Variants in TRABD observed in about 807,000 individuals in gnomAD.
TRABD encodes TraB domain containing, also known as traB domain-containing protein.
Under a neutral mutation model 39.6 loss-of-function variants are expected in TRABD, and 23 were observed. The ratio of observed to expected loss-of-function variants is 0.58; its 90% confidence interval spans 0.42 to 0.82. The LOEUF (loss-of-function observed/expected upper bound fraction) is 0.82, where lower values mean the gene tolerates loss of function less well. Among genes scored for constraint, TRABD ranks in the 40% least tolerant of loss-of-function variants. The pLI is 0.00. For missense variants in TRABD, 487 were observed against 544.9 expected, an observed-to-expected ratio of 0.89 and a Z score of 1.06; for synonymous variants, 243 against 232.1, an observed-to-expected ratio of 1.05 and a Z score of -0.43.
chr22:50,198,236 G>A lies in TRABD; in HGVS notation c.956+50G>A, dbSNP rs747738087. On this transcript the variant is annotated intron_variant, in intron 9 of 9. Transcript: ENST00000380909. The surrounding 1 kb of genome is among the most constrained non-coding windows in gnomAD (Gnocchi z 7.9). ...GCCCCACCCCACAAGCCCCCAGGTGGAGGCTGAGCGCCCTGGAGGCCAACC... is the reference window on the plus strand; with the variant it reads ...GCCCCACCCCACAAGCCCCCAGGTGAAGGCTGAGCGCCCTGGAGGCCAACC... 1.9e-6 allele frequency: 3 copies of A among 1,561,626 alleles called. No individual in the cohort carries two copies. The highest frequency in any genetic ancestry group is 2.6e-6 in the Non-Finnish European group (3 of 1,148,856).
Position 50,199,455 on chromosome 22 carries a change from T to C in TRABD, c.*936T>C. The C allele has an allele frequency of 4.0e-6, 1 of 250,102 alleles. No homozygotes were observed. The highest frequency in any genetic ancestry group is 7.6e-6 in the Non-Finnish European group (1 of 131,246). 15.5% of individuals were successfully genotyped at this position (250,102 alleles called of 1,614,324 possible). Reference sequence around the variant, plus strand: ...GGACACAGCCCGTGCAGCCCCAGCCTGGACCCAGGCCATCTCTGGTTGTGT... The same window carrying C: ...GGACACAGCCCGTGCAGCCCCAGCCCGGACCCAGGCCATCTCTGGTTGTGT... On this transcript the variant is annotated 3_prime_UTR_variant, in exon 10 of 10. Transcript: ENST00000380909.
At chr22:50,190,866 G>A (rs1216313983) in intron 1 of TRABD, among the ~76,000 whole-genome samples, 2 of 152,234 alleles carry the variant, frequency 1.3e-5, no homozygotes, top group East Asian at 1.9e-4. Context: ...CCAAGGGTCC[G>A]GGGCCTGGTC....
chr22:50,195,343 C>CT (rs1157328042), intron 5 of TRABD, among the ~76,000 whole-genome samples: 1 of 56,258 alleles, frequency 1.8e-5, no homozygotes, highest in Non-Finnish European at 3.8e-5. Flanking sequence ...CAAGGTTGGC[C>CT]CCCCCGGTAC....
chr22:50,194,561 C>A, intron 4 of TRABD, 55 bp downstream of exon 4: 3 of 1,550,102 alleles, frequency 1.9e-6, no homozygotes, highest in Non-Finnish European at 1.7e-6. Context: ...GCTCCTGTGT[C>A]CTGCACTCAG....
At position 50,197,889 on chromosome 22, in the gene TRABD, C is replaced by G; in HGVS notation, c.738C>G (p.Gly246=). Residue 246 remains glycine, a synonymous_variant, in exon 8 of 10, where the codon GGC becomes GGG. Transcript: ENST00000380909. ...AGCAGATGATGGCCGAGATGATTGG[C>G]GAGTTCCCAGACCTGCACCGCACCA... The part of the protein sequence containing the change: ...LLEQMMAEMI[G]EFPDLHRTIV... The G allele has an allele frequency of 6.2e-7, 1 of 1,611,516 alleles. No individual in the cohort carries two copies. Among genetic ancestry groups the G allele is most frequent in the Non-Finnish European group, 8.5e-7 (1 of 1,179,544 alleles).
rs756374677 is a variant in TRABD, at chr22:50,198,568, G to A, written c.*49G>A. On this transcript the variant is annotated 3_prime_UTR_variant, in exon 10 of 10. Transcript: ENST00000380909. The surrounding 1 kb of genome is among the most constrained non-coding windows in gnomAD (Gnocchi z 7.9). The stretch of plus-strand genomic sequence containing the variant: ...GCCCCTGAGGAGCCAGTGCCCCCGC[G>A]GCACTTCTGGGTGCCAGGTGCATCC... The A allele has an allele frequency of 9.1e-5, 132 of 1,451,838 alleles. No individual in the cohort carries two copies. Among genetic ancestry groups the A allele is most frequent in the Non-Finnish European group, 1.1e-4 (121 of 1,105,236 alleles). The allele number at this position is 1,451,838 out of a possible 1,614,324, so 89.9% of individuals were successfully genotyped here.
Position 50,199,088 on chromosome 22 carries a change from T to C in TRABD, c.*569T>C. 1.4e-6 allele frequency: 1 copy of C among 716,234 alleles called. No homozygotes were observed. Among genetic ancestry groups the C allele is most frequent in the South Asian group, 1.5e-5 (1 of 67,484 alleles). 44.4% of individuals were successfully genotyped at this position (716,234 alleles called of 1,614,324 possible). On this transcript the variant is annotated 3_prime_UTR_variant, in exon 10 of 10. Transcript: ENST00000380909. ...TTTTGGCTTTTTTAATGTCTTAAAA[T>C]CTTTTACTCAGGTAATTTTAATTTC...
Position 50,186,116 on chromosome 22 carries a change from G to C in TRABD, c.-35+140G>C, listed in dbSNP as rs1044436151. 49 of 142,066 alleles carry C rather than the reference G, an allele frequency of 3.4e-4. 1 individual carries two copies. Among genetic ancestry groups the C allele is most frequent in the African/African-American group, 1.2e-3 (45 of 38,240 alleles). The allele number at this position is 142,066 out of a possible 1,614,324, so 8.8% of individuals were successfully genotyped here. A position where few individuals can be genotyped will look rare whatever the true frequency, so the allele number is the denominator to read the frequency against. ...AGTCGGGGGGTGGGGGCCGGGGGCG[G>C]GGGGGGTCAGGCCCGGGTCAGGTTT... On this transcript the variant is annotated intron_variant, in intron 1 of 9. Coordinates refer to ENST00000380909, the MANE Select transcript of TRABD (RefSeq NM_001320485.2).
chr22:50,187,997 C>A (rs375532681), intron 1 of TRABD, among the ~76,000 whole-genome samples: 3 of 150,270 alleles, frequency 2.0e-5, no homozygotes, highest in African/African-American at 7.3e-5. Context: ...AAAATGAGGT[C>A]TTGGCCTGGC....
rs749051076 is a variant in TRABD, at chr22:50,198,065, T to A, written c.845-10T>A. 6.2e-7 allele frequency: 1 copy of A among 1,612,420 alleles called. No individual in the cohort carries two copies. The highest frequency in any genetic ancestry group is 8.5e-7 in the Non-Finnish European group (1 of 1,179,582). The stretch of plus-strand genomic sequence containing the variant: ...CCGAGCAGGTACTGACCCCTTGTCC[T>A]TCCCCACAGCCGAGCCCAGGAAGTG... On this transcript the variant is annotated splice_polypyrimidine_tract_variant and intron_variant, in intron 8 of 9. Coordinates refer to ENST00000380909, the MANE Select transcript of TRABD (RefSeq NM_001320485.2). This position sits in a 1 kb window ranked among gnomAD's most constrained non-coding sequence, Gnocchi z 7.9.
At chr22:50,197,763 A>AGGCCCCCCCCCCCCCCCCCCGG in intron 7 of TRABD, 60 bp from the exon 8 acceptor site, 23 of 1,439,714 alleles carry the variant, frequency 1.6e-5, no homozygotes, top group Non-Finnish European at 2.2e-5. Flanking sequence ...CCACAGTGCC[A>AGGCCCCCCCCCCCCCCCCCCGG]GCCCCACCCC....
chr22:50,193,478 G>A (rs148680758), intron 2 of TRABD, 98 bp from the exon 3 acceptor site: 20,635 of 1,177,616 alleles, frequency 0.018, 235 homozygotes, highest in Non-Finnish European at 0.022. Context: ...CAGCGGCCAC[G>A]GGTCCCTTTC....
At chr22:50,193,790 T>A in intron 3 of TRABD, 136 bp downstream of exon 3, 1 of 803,118 alleles carries the variant, frequency 1.2e-6, no homozygotes, top group Non-Finnish European at 2.0e-6. Context: ...CTGAGGTAGG[T>A]GCTGCTAGGC....
At position 50,198,332 on chromosome 22, in the gene TRABD, C is replaced by G. The variant is rs1370632138; in HGVS notation, c.957-13C>G. 3.9e-6 allele frequency: 6 copies of G among 1,554,900 alleles called. No homozygotes were observed. The highest frequency in any genetic ancestry group is 5.2e-6 in the Non-Finnish European group (6 of 1,152,332). ...CACCCCCAGCCAGGCCCAGCGCCCC[C>G]TCCCTCCCACAGCGTGCCCCCGCCG... On this transcript the variant is annotated splice_polypyrimidine_tract_variant and intron_variant, in intron 9 of 9. Transcript: ENST00000380909. This position sits in a 1 kb window ranked among gnomAD's most constrained non-coding sequence, Gnocchi z 7.9.
At chr22:50,187,381 G>C (rs1000184359) in intron 1 of TRABD, among the ~76,000 whole-genome samples, 2 of 152,244 alleles carry the variant, frequency 1.3e-5, no homozygotes, top group Non-Finnish European at 2.9e-5. Flanking sequence ...AAGGTGCCAG[G>C]CATCAGAAAC....
intron 5 of TRABD, chr22:50,196,941 G>A (rs1246590345): frequency 5.0e-5 from 17 of 339,400 alleles, no homozygotes; most frequent in South Asian, 1.3e-4. Flanking sequence ...CTCGTGATCC[G>A]CCTGCCTCAG....
chr22:50,198,673 C>T lies in TRABD; in HGVS notation c.*154C>T. ...TGCCCTCCTGGGCCAGTCACCCCTC[C>T]CCCAGCCCACCCAAATAAAGGATTA... is the stretch of plus-strand genomic sequence containing the variant. On this transcript the variant is annotated 3_prime_UTR_variant, in exon 10 of 10. Transcript: ENST00000380909. The surrounding 1 kb of genome is among the most constrained non-coding windows in gnomAD (Gnocchi z 7.9). The T allele has an allele frequency of 1.5e-6, 1 of 670,612 alleles. No homozygotes were observed. Among genetic ancestry groups the T allele is most frequent in the Non-Finnish European group, 2.4e-6 (1 of 420,346 alleles). 41.5% of individuals were successfully genotyped at this position (670,612 alleles called of 1,614,324 possible).
At position 50,199,236 on chromosome 22, in the gene TRABD, G is replaced by T; in HGVS notation, c.*717G>T. 1.5e-6 allele frequency: 1 copy of T among 666,506 alleles called. No homozygotes were observed. Among genetic ancestry groups the T allele is most frequent in the Non-Finnish European group, 2.8e-6 (1 of 359,294 alleles). 41.3% of individuals were successfully genotyped at this position (666,506 alleles called of 1,614,324 possible). On this transcript the variant is annotated 3_prime_UTR_variant, in exon 10 of 10. Coordinates refer to ENST00000380909, the MANE Select transcript of TRABD (RefSeq NM_001320485.2). ...AGCCAAACATCAGCTCTGGGTCCAG[G>T]CGTGGCCTCAGCTGGGAGCCTGTGT... is the stretch of plus-strand genomic sequence containing the variant.
intron 1 of TRABD, among the ~76,000 whole-genome samples, chr22:50,190,226 G>C (rs1298411629): frequency 6.6e-6 from 1 of 152,224 alleles, no homozygotes; most frequent in Non-Finnish European, 1.5e-5. Flanking sequence ...GAGGCTGCAG[G>C]GGCCAGGGCT....
Sources: allele counts gnomAD v4.1 joint callset (sites outside exome capture counted in the v4.1 genomes callset), GRCh38; gene constraint gnomAD v4.1.1; non-coding constraint Gnocchi (gnomAD v3.1); transcripts MANE v1.5; gene names NCBI Gene and HGNC (gene_info 2026-07-23, HGNC 2026-07-21).